The following NUP153 variants were observed in gnomAD, a reference collection of about 807,000 sequenced individuals.
The protein encoded by NUP153 is nucleoporin 153, also known as nuclear pore complex protein Nup153.
In NUP153, 27 loss-of-function variants were observed where a neutral mutation model predicts 134.6. The observed-to-expected ratio is 0.20, with a 90% confidence interval of 0.15 to 0.28. The LOEUF (loss-of-function observed/expected upper bound fraction) is 0.28. Ranked by LOEUF, NUP153 falls within the 10% of genes least tolerant of loss-of-function variation. NUP153 has a pLI of 1.00. For synonymous variants in NUP153, 640 were observed against 623.5 expected (o/e 1.03, Z -0.40); for missense variants, 1,821 against 1,731.3 (o/e 1.05, Z -0.92).
At chr6:17,662,576 A>C (rs1767256418) in intron 9 of NUP153, among the ~76,000 whole-genome samples, 1 of 152,252 alleles carries the variant, frequency 6.6e-6, no homozygotes, top group Non-Finnish European at 1.5e-5. Flanking sequence ...GGCAAGAATC[A>C]TCAATAATGC....
chr6:17,634,535 C>T (rs940820698), intron 16 of NUP153, among the ~76,000 whole-genome samples: 1 of 152,050 alleles, frequency 6.6e-6, no homozygotes, highest in Non-Finnish European at 1.5e-5. Context: ...CTCCCAGGTT[C>T]AAGCTATTCT....
chr6:17,639,855 T>C (rs1429970187), intron 15 of NUP153, 84 bp downstream of exon 15: 6 of 1,296,026 alleles, frequency 4.6e-6, no homozygotes, highest in Admixed American at 2.7e-5. Context: ...CAGAAATTTT[T>C]AAAAGCCTAA....
intron 9 of NUP153, among the ~76,000 whole-genome samples, chr6:17,663,709 GT>G (rs1214887462): frequency 2.0e-5 from 3 of 152,068 alleles, no homozygotes; most frequent in Non-Finnish European, 2.9e-5. Flanking sequence ...AAGTTTCAAG[GT>G]TTTCAATAAA....
intron 2 of NUP153, among the ~76,000 whole-genome samples, chr6:17,678,352 C>CAAAAA (rs11428582): frequency 0.029 from 1,952 of 68,146 alleles, 198 homozygotes; most frequent in East Asian, 0.21. Flanking sequence ...CCCTCTGTCT[C>CAAAAA]AAAAAAAAAA....
intron 11 of NUP153, among the ~76,000 whole-genome samples, chr6:17,659,754 A>G (rs932027855): frequency 4.6e-5 from 7 of 152,214 alleles, no homozygotes; most frequent in Admixed American, 2.0e-4. Flanking sequence ...TACAGGCATG[A>G]GCCACCGTGC....
chr6:17,637,987 T>C (rs549144664), intron 15 of NUP153, among the ~76,000 whole-genome samples: 1 of 152,342 alleles, frequency 6.6e-6, no homozygotes, highest in Non-Finnish European at 1.5e-5. Context: ...AGATGTTTTG[T>C]TTACAGGATA....
chr6:17,631,612 A>G (rs576305037), intron 17 of NUP153, among the ~76,000 whole-genome samples: 1 of 152,340 alleles, frequency 6.6e-6, no homozygotes, highest in South Asian at 2.1e-4. Flanking sequence ...AGTTGTTTCA[A>G]GACATTAATC....
rs752229088 is a variant in NUP153, at chr6:17,675,254, A to G, written c.698T>C (p.Leu233Ser). Reference sequence around the variant, plus strand: ...AGGGGAAAGTGTTCCAAAGGCAGACAAGTTGAATGCTGGTTTTTTTGAGCT... The same window carrying G: ...AGGGGAAAGTGTTCCAAAGGCAGACGAGTTGAATGCTGGTTTTTTTGAGCT... ...ATSSKKPAFNLSAFGTLSPSL... is the reference protein window; with the variant it reads ...ATSSKKPAFNSSAFGTLSPSL... The change falls in exon 4 of 22, where the codon TTG (leucine) becomes TCG (serine). Residue 233 changes from leucine to serine, a missense_variant. By Grantham distance (145) the Leu-to-Ser change is moderately radical. Transcript: ENST00000262077. This position sits in a 1 kb window ranked among gnomAD's most constrained non-coding sequence, Gnocchi z 4.4. The G allele has an allele frequency of 1.2e-6, 2 of 1,614,172 alleles. No homozygotes were observed. Among genetic ancestry groups the G allele is most frequent in the South Asian group, 2.2e-5 (2 of 91,084 alleles).
intron 20 of NUP153, among the ~76,000 whole-genome samples, chr6:17,620,126 G>C (rs1219957482): frequency 7.0e-6 from 1 of 143,348 alleles, no homozygotes; most frequent in East Asian, 2.0e-4. Flanking sequence ...AAAAAAGGAA[G>C]GGAGGGAGGA....
At chr6:17,631,980 A>C (rs1388978388) in intron 17 of NUP153, among the ~76,000 whole-genome samples, 2 of 151,826 alleles carry the variant, frequency 1.3e-5, no homozygotes, top group Non-Finnish European at 2.9e-5. Context: ...AAAACACAAA[A>C]ATCTGGCCTC....
intron 14 of NUP153, among the ~76,000 whole-genome samples, chr6:17,645,752 T>A (rs1452109076): frequency 6.6e-6 from 1 of 152,202 alleles, no homozygotes; most frequent in Non-Finnish European, 1.5e-5. Context: ...ACCTATAAAT[T>A]TCTTATAATG....
In NUP153 at chr6:17,625,303, G is replaced by A. The variant is rs1376013655; in HGVS notation, c.3902-470C>T. ...TGTAATCTCAGCACTTTGAAAGGCC[G>A]AGGCGGGCAAATCATGAGGTCAGGA... On this transcript the variant is annotated intron_variant, in intron 19 of 21. Transcript: ENST00000262077. This position sits in a 1 kb window ranked among gnomAD's most constrained non-coding sequence, Gnocchi z 4.7. 3.3e-5 allele frequency among the ~76,000 whole-genome samples: 5 copies of A among 152,142 alleles called. No homozygotes were observed. The highest frequency in any genetic ancestry group is 1.2e-4 in the African/African-American group (5 of 41,426).
chr6:17,704,730 CAAA>C (rs10713867), intron 1 of NUP153, among the ~76,000 whole-genome samples: 3 of 139,512 alleles, frequency 2.2e-5, no homozygotes, highest in African/African-American at 5.3e-5. Context: ...AACTAGAAGA[CAAA>C]AAAAAAAAAA....
intron 1 of NUP153, among the ~76,000 whole-genome samples, chr6:17,698,210 G>C (rs905022591): frequency 6.6e-6 from 1 of 152,198 alleles, no homozygotes; most frequent in African/African-American, 2.4e-5. Flanking sequence ...GGACTGATTG[G>C]ATAGGGTAAA....
intron 1 of NUP153, among the ~76,000 whole-genome samples, chr6:17,705,181 G>A (rs1182327673): frequency 6.6e-6 from 1 of 152,100 alleles, no homozygotes; most frequent in African/African-American, 2.4e-5. Context: ...TTAACAGTAG[G>A]CAACAAGTTA....
chr6:17,705,441 C>T (rs966933305), intron 1 of NUP153, among the ~76,000 whole-genome samples: 1 of 152,106 alleles, frequency 6.6e-6, no homozygotes, highest in African/African-American at 2.4e-5. Flanking sequence ...CACCAACATT[C>T]CTGGAGTGTC....
Position 17,706,267 on chromosome 6 carries a change from G to T in NUP153, c.111+10C>A, listed in dbSNP as rs1472204691. 3.1e-6 allele frequency: 5 copies of T among 1,604,286 alleles called. No homozygotes were observed. The African/African-American group carries it at 5.4e-5, about 17-fold the overall frequency. ...ACCCGCCAGGCCACCGCGGCGTCGG[G>T]GTCCCATACCTGATGCTGTTGTCGC... is the stretch of plus-strand genomic sequence containing the variant. On this transcript the variant is annotated intron_variant, in intron 1 of 21. Transcript: ENST00000262077. The surrounding 1 kb of genome is among the most constrained non-coding windows in gnomAD (Gnocchi z 5.9).
intron 1 of NUP153, among the ~76,000 whole-genome samples, chr6:17,689,689 C>T (rs1769163563): frequency 6.6e-6 from 1 of 151,612 alleles, no homozygotes; most frequent in Non-Finnish European, 1.5e-5. Flanking sequence ...CCACACCCAG[C>T]TAATTTTGTA....
chr6:17,619,786 G>A (rs1033072093), intron 20 of NUP153, among the ~76,000 whole-genome samples: 2 of 152,072 alleles, frequency 1.3e-5, no homozygotes, highest in African/African-American at 4.8e-5. Flanking sequence ...AAATACCAAT[G>A]ACATTCTCCA....
Sources: allele counts gnomAD v4.1 joint callset (sites outside exome capture counted in the v4.1 genomes callset), GRCh38; gene constraint gnomAD v4.1.1; non-coding constraint Gnocchi (gnomAD v3.1); transcripts MANE v1.5; gene names NCBI Gene and HGNC (gene_info 2026-07-23, HGNC 2026-07-21).